The following CYP4F12 variants were observed in gnomAD, a reference collection of about 807,000 sequenced individuals.
The protein encoded by CYP4F12 is cytochrome P450 4F12.
CYP4F12 carries 60 observed loss-of-function variants against 56.5 expected under a neutral mutation model. That is an observed-to-expected ratio of 1.06 (90% CI 0.86 to 1.32). The LOEUF (loss-of-function observed/expected upper bound fraction) is 1.32, where lower values mean the gene tolerates loss of function less well. Ranked by LOEUF, CYP4F12 falls within the 40% of genes most tolerant of loss-of-function variation. CYP4F12 has a pLI of 0.00. For synonymous variants in CYP4F12, 263 were observed against 264.9 expected (o/e 0.99, Z 0.07); for missense variants, 711 against 683.5 (o/e 1.04, Z -0.45).
rs771129871 is a variant in CYP4F12 at position 15,692,917 on chromosome 19, T to TG, written c.1116-3019_1116-3018insG. 7.3e-5 allele frequency among the ~76,000 whole-genome samples: 11 copies of TG among 149,972 alleles called. 1 individual carries two copies. The highest frequency in any genetic ancestry group is 5.3e-4 in the Admixed American group (8 of 15,092). On this transcript the variant is annotated intron_variant, in intron 9 of 12. Coordinates refer to ENST00000550308, the MANE Select transcript of CYP4F12 (RefSeq NM_023944.4). The stretch of plus-strand genomic sequence containing the variant: ...GGGGAAACTCCATCTCTACTAAAAA[T>TG]AAAAAAAAAAATTAGCTGGCTGTTG...
intron 9 of CYP4F12, among the ~76,000 whole-genome samples, chr19:15,688,995 G>A (rs1865740346): frequency 1.3e-5 from 2 of 152,112 alleles, no homozygotes; most frequent in Admixed American, 1.3e-4. Context: ...AATTTTATAA[G>A]ATAACCTTGG....
At position 15,685,177 on chromosome 19, in the gene CYP4F12, C is replaced by T. The variant is rs771042085; in HGVS notation, c.1095C>T (p.Arg365=). 1.4e-5 allele frequency: 23 copies of T among 1,613,944 alleles called. No individual in the cohort carries two copies. Among genetic ancestry groups the T allele is most frequent in the Admixed American group, 6.7e-5 (4 of 59,990 alleles). The change falls in exon 9 of 13, where the codon CGC becomes CGT. Residue 365 remains arginine, a synonymous_variant. Coordinates refer to ENST00000550308, the MANE Select transcript of CYP4F12 (RefSeq NM_023944.4). ...RQEVQELLKD[R]DPKEIEWDDL... ...AGGTGCAAGAGCTTCTGAAGGACCG[C>T]GATCCTAAAGAGATTGAATGGTGAG... is the stretch of plus-strand genomic sequence containing the variant.
intron 9 of CYP4F12, among the ~76,000 whole-genome samples, chr19:15,695,201 A>G (rs1330040119): frequency 6.6e-6 from 1 of 152,096 alleles, no homozygotes; most frequent in East Asian, 1.9e-4. Context: ...TGTCCCTTGT[A>G]GGGACATGGA....
Position 15,673,624 on chromosome 19 carries a change from C to G in CYP4F12, c.95C>G (p.Ala32Gly). Reference sequence around the variant, plus strand: ...CTGGTTGTGGGCTCCTGGCTACTCGCCCGCATCCTGGCTTGGACCTATGCC... The same window carrying G: ...CTGGTTGTGGGCTCCTGGCTACTCGGCCGCATCCTGGCTTGGACCTATGCC... ...LLLVVGSWLL[A>G]RILAWTYAFY... The change falls in exon 2 of 13, where the codon GCC (alanine) becomes GGC (glycine). Residue 32 changes from alanine to glycine, a missense_variant. Ala to Gly is a moderately conservative substitution (Grantham distance 60, BLOSUM62 0). Coordinates refer to ENST00000550308, the MANE Select transcript of CYP4F12 (RefSeq NM_023944.4). 2 of 1,614,194 alleles carry G rather than the reference C, an allele frequency of 1.2e-6. No individual in the cohort carries two copies. Among genetic ancestry groups the G allele is most frequent in the Non-Finnish European group, 1.7e-6 (2 of 1,180,040 alleles).
At position 15,683,496 on chromosome 19, in the gene CYP4F12, G is replaced by A. The variant is rs1191245020; in HGVS notation, c.651G>A (p.Arg217=). ...CCTTTCTGCCCTTGCTCTGCAGGAG[G>A]CCCAGTGAATATATTGCCACCATCT... The part of the protein sequence containing the change: ...IFSFDSHCQE[R]PSEYIATILE... Residue 217 remains arginine (R), a synonymous_variant, in exon 7 of 13, where the codon AGG becomes AGA. Transcript: ENST00000550308. The A allele has an allele frequency of 2.5e-6, 4 of 1,596,766 alleles. No individual in the cohort carries two copies. Among genetic ancestry groups the A allele is most frequent in the Admixed American group, 3.5e-5 (2 of 57,322 alleles).
Position 15,677,128 on chromosome 19 carries a change from T to TTCCTCTGCCCACTCACTCATTC in CYP4F12, c.199-1133_199-1132insTCCTCTGCCCACTCACTCATTC, listed in dbSNP as rs1568414014. Among the ~76,000 whole-genome samples, 11 of 90,394 alleles carry TTCCTCTGCCCACTCACTCATTC rather than the reference T, an allele frequency of 1.2e-4. 1 individual carries two copies. Among genetic ancestry groups the TTCCTCTGCCCACTCACTCATTC allele is most frequent in the African/African-American group, 4.4e-4 (11 of 25,196 alleles). The allele number at this position is 90,394 out of a possible 152,430, so 59.3% of individuals were successfully genotyped here. A position where few individuals can be genotyped will look rare whatever the true frequency, so the allele number is the denominator to read the frequency against. ...ATTCCTCTGCTCACTCACTCATTCA[T>TTCCTCTGCCCACTCACTCATTC]ATCCTCACTCACTCATTCCTCTACC... On this transcript the variant is annotated intron_variant, in intron 2 of 12. Transcript: ENST00000550308.
At chr19:15,676,348 A>T (rs2006920991) in intron 2 of CYP4F12, among the ~76,000 whole-genome samples, 2 of 75,510 alleles carry the variant, frequency 2.6e-5, no homozygotes, top group Admixed American at 1.4e-4. Context: ...CACTCATTCT[A>T]ATACCAACTC....
At chr19:15,689,549 T>A (rs981398831) in intron 9 of CYP4F12, among the ~76,000 whole-genome samples, 2 of 152,206 alleles carry the variant, frequency 1.3e-5, no homozygotes, top group Non-Finnish European at 2.9e-5. Context: ...GATAAGGATA[T>A]TCCTTAGCGA....
At chr19:15,680,744 CA>C (rs1433827666) in intron 5 of CYP4F12, 12 of 594,952 alleles carry the variant, frequency 2.0e-5, no homozygotes, top group Non-Finnish European at 3.6e-5. Flanking sequence ...GTGTTTTTCT[CA>C]CAGAATCCCT....
In CYP4F12 at chr19:15,673,109, T is replaced by C. The variant is rs2006706094; in HGVS notation, c.-28T>C. 2.5e-6 allele frequency: 1 copy of C among 402,704 alleles called. No individual in the cohort carries two copies. The highest frequency in any genetic ancestry group is 4.8e-6 in the Non-Finnish European group (1 of 207,832). The allele number at this position is 402,704 out of a possible 1,614,324, so 24.9% of individuals were successfully genotyped here. On this transcript the variant is annotated 5_prime_UTR_variant, in exon 1 of 13. Coordinates refer to ENST00000550308, the MANE Select transcript of CYP4F12 (RefSeq NM_023944.4). ...CCCAGCAGAAGAGGAGAAGAGGTTG[T>C]GTGGGACAAGCTGCTCCCGACAGAA...
At chr19:15,680,831 T>C in intron 5 of CYP4F12, 1 of 386,954 alleles carries the variant, frequency 2.6e-6, no homozygotes, top group Non-Finnish European at 4.9e-6. Context: ...ACTCATTGGC[T>C]TAGAGCCATA....
rs753301145 is a variant in CYP4F12, at chr19:15,697,090, C to T, written c.*5C>T. On this transcript the variant is annotated 3_prime_UTR_variant, in exon 13 of 13. Coordinates refer to ENST00000550308, the MANE Select transcript of CYP4F12 (RefSeq NM_023944.4). ...CTGAATGTAAGCTTGCAGTGACTTTCTGACCCATCCACCTGTTTTTTTGCA... is the reference window on the plus strand; with the variant it reads ...CTGAATGTAAGCTTGCAGTGACTTTTTGACCCATCCACCTGTTTTTTTGCA... 1.1e-5 allele frequency: 17 copies of T among 1,607,688 alleles called. No individual in the cohort carries two copies. The highest frequency in any genetic ancestry group is 1.3e-5 in the African/African-American group (1 of 74,728).
Position 15,684,869 on chromosome 19 carries a change from C to T in CYP4F12, c.972C>T (p.Thr324=), listed in dbSNP as rs1459034793. ...SDEDIRAEAD[T]FMFGGHDTTA... The stretch of plus-strand genomic sequence containing the variant: ...AGGATATAAGAGCAGAGGCTGACAC[C>T]TTCATGTTTGGAGGTGAGGGTCCCA... The change falls in exon 8 of 13, where the codon ACC becomes ACT. Residue 324 remains threonine, a synonymous_variant. Coordinates refer to ENST00000550308, the MANE Select transcript of CYP4F12 (RefSeq NM_023944.4). 6.2e-7 allele frequency: 1 copy of T among 1,604,890 alleles called. No individual in the cohort carries two copies. The highest frequency in any genetic ancestry group is 8.5e-7 in the Non-Finnish European group (1 of 1,175,544).
intron 10 of CYP4F12, 24 bp from the exon 11 acceptor site, chr19:15,696,137 T>C: frequency 3.1e-6 from 5 of 1,612,922 alleles, no homozygotes; most frequent in Non-Finnish European, 4.2e-6. Flanking sequence ...ATCCTTGTCC[T>C]GACTGCCCCT....
chr19:15,675,780 G>A (rs74182266), intron 2 of CYP4F12, among the ~76,000 whole-genome samples: 141,076 of 152,148 alleles, frequency 0.93, 65,465 homozygotes, highest in East Asian at 1. Context: ...GGTGGCTGTG[G>A]GGGGACTTGC....
chr19:15,696,158 C>G lies in CYP4F12; in HGVS notation c.1250-3C>G. On this transcript the variant is annotated splice_region_variant and splice_polypyrimidine_tract_variant and intron_variant, in intron 10 of 12. Transcript: ENST00000550308. ...GTCCTGACTGCCCCTTTCTCTCCCA[C>G]AGGCATTACCTGCCTCATCGATATT... 1 of 1,613,666 alleles carries G rather than the reference C, an allele frequency of 6.2e-7. No homozygotes were observed. The highest frequency in any genetic ancestry group is 8.5e-7 in the Non-Finnish European group (1 of 1,179,710).
intron 6 of CYP4F12, 128 bp downstream of exon 6, chr19:15,682,638 G>A (rs2007370632): frequency 7.1e-7 from 1 of 1,416,826 alleles, no homozygotes; most frequent in African/African-American, 1.4e-5. Context: ...TGCTTTGAAG[G>A]TCGAGGAAGA....
rs781267150 is a variant in CYP4F12, at chr19:15,696,930, G to C, written c.1420G>C (p.Ala474Pro). 15 of 1,613,768 alleles carry C rather than the reference G, an allele frequency of 9.3e-6. 2 individuals carry two copies. In the South Asian group the frequency reaches 9.9e-5, roughly 11 times the overall value. Residue 474 changes from alanine (A) to proline (P), a missense_variant, in exon 13 of 13, where the codon GCC becomes CCC. Ala to Pro is a conservative substitution (Grantham distance 27). Transcript: ENST00000550308. The stretch of plus-strand genomic sequence containing the variant: ...CAGGAACTGCATCGGGCAGGCGTTC[G>C]CCATGGCGGAGATGAAAGTGGTCCT... ...GPRNCIGQAF[A>P]MAEMKVVLAL...
intron 2 of CYP4F12, among the ~76,000 whole-genome samples, chr19:15,675,786 C>T (rs114376907): frequency 0.025 from 3,740 of 152,160 alleles, 15 homozygotes; most frequent in African/African-American, 0.086. Flanking sequence ...TGTGGGGGGA[C>T]TTGCTGTGGC....
Sources: gnomAD v4.1 joint callset for allele counts (sites outside exome capture counted in the v4.1 genomes callset) on GRCh38, gnomAD v4.1.1 for gene constraint, MANE v1.5 for transcripts, NCBI Gene and HGNC (gene_info 2026-07-23, HGNC 2026-07-21) for gene names.